DNAJC8: variants seen among roughly 807,000 people sequenced by gnomAD.
DNAJC8 encodes DnaJ heat shock protein family (Hsp40) member C8, also known as dnaJ homolog subfamily C member 8.
A neutral mutation model predicts 43.2 loss-of-function variants in DNAJC8; 24 were observed. The ratio of observed to expected loss-of-function variants is 0.56; its 90% CI spans 0.40 to 0.78. DNAJC8 has a LOEUF of 0.78. DNAJC8 is among the 30% of genes least tolerant of loss of function. The pLI is 0.00. For missense variants in DNAJC8, 207 were observed against 299.4 expected (o/e 0.69, Z 2.28); for synonymous variants, 83 against 98.0 (o/e 0.85, Z 0.90).
intron 3 of DNAJC8, 70 bp from the exon 4 acceptor site, chr1:28,210,707 G>A (rs949354545): frequency 8.0e-5 from 102 of 1,278,868 alleles, no homozygotes; most frequent in Admixed American, 1.8e-4. Flanking sequence ...GCCCTGTCTC[G>A]TTACAACCAA....
At chr1:28,201,878 G>A (rs1255529344) in intron 8 of DNAJC8, among the ~76,000 whole-genome samples, 1 of 150,780 alleles carries the variant, frequency 6.6e-6, no homozygotes, top group Admixed American at 6.6e-5. Flanking sequence ...ACCTGAGGTT[G>A]GGAGTTCGAG....
At chr1:28,211,412 C>G (rs942779065) in intron 3 of DNAJC8, among the ~76,000 whole-genome samples, 1 of 152,226 alleles carries the variant, frequency 6.6e-6, no homozygotes, top group Non-Finnish European at 1.5e-5. Context: ...ATTATGCATT[C>G]TGCAAATATT....
chr1:28,212,860 G>A (rs145941823), intron 3 of DNAJC8, among the ~76,000 whole-genome samples: 7 of 152,252 alleles, frequency 4.6e-5, no homozygotes, highest in African/African-American at 1.2e-4. Context: ...CTCTGCCTCC[G>A]CTTCCTGCTC....
At chr1:28,209,925 G>A (rs2149016538) in intron 5 of DNAJC8, 47 bp downstream of exon 5, 1 of 1,574,486 alleles carries the variant, frequency 6.4e-7, no homozygotes. Context: ...AGGTGCCCAA[G>A]GCTTGCTGAT....
At chr1:28,225,061 T>A (rs1472458824) in intron 2 of DNAJC8, among the ~76,000 whole-genome samples, 2 of 151,180 alleles carry the variant, frequency 1.3e-5, no homozygotes, top group African/African-American at 4.9e-5. Flanking sequence ...TTTGGGACAA[T>A]TAGTAAAACC....
rs376755697 is a variant in DNAJC8 at position 28,232,912 on chromosome 1, T to C, written c.78+9A>G. The C allele has an allele frequency of 1.9e-6, 3 of 1,612,570 alleles. No individual in the cohort carries two copies. Among genetic ancestry groups the C allele is most frequent in the Non-Finnish European group, 2.5e-6 (3 of 1,179,934 alleles). ...GCCCCGGTGCCACTACTCCTCACTC[T>C]GTGTTCACCTCACTGTAGAAGGTCA... On this transcript the variant is annotated intron_variant, in intron 1 of 8. Transcript: ENST00000263697.
At chr1:28,227,748 A>G (rs1006480029) in intron 2 of DNAJC8, among the ~76,000 whole-genome samples, 1 of 151,982 alleles carries the variant, frequency 6.6e-6, no homozygotes, top group African/African-American at 2.4e-5. Context: ...CCATCTCTTT[A>G]AAAAAGAAAA....
chr1:28,206,876 C>A (rs1646772274), intron 6 of DNAJC8, among the ~76,000 whole-genome samples: 2 of 152,148 alleles, frequency 1.3e-5, no homozygotes, highest in African/African-American at 4.8e-5. Flanking sequence ...CTAGACACTG[C>A]TCACTAAAAG....
chr1:28,231,479 G>A (rs1242923681), intron 1 of DNAJC8, among the ~76,000 whole-genome samples: 1 of 152,174 alleles, frequency 6.6e-6, no homozygotes, highest in Non-Finnish European at 1.5e-5. Context: ...AACTTTGGGA[G>A]GCCGAGGCGG....
chr1:28,213,326 A>G (rs1646827983), intron 3 of DNAJC8, among the ~76,000 whole-genome samples: 1 of 152,202 alleles, frequency 6.6e-6, no homozygotes, highest in Non-Finnish European at 1.5e-5. Flanking sequence ...ATGATTAGTA[A>G]TGCATATTAG....
intron 6 of DNAJC8, among the ~76,000 whole-genome samples, chr1:28,205,733 C>T (rs948882278): frequency 4.6e-5 from 7 of 152,096 alleles, no homozygotes; most frequent in Admixed American, 6.6e-5. Flanking sequence ...ATCAAAAATA[C>T]AAAAATTAGC....
intron 2 of DNAJC8, 75 bp downstream of exon 2, chr1:28,228,847 A>G: frequency 8.3e-7 from 1 of 1,198,236 alleles, no homozygotes; most frequent in Non-Finnish European, 1.2e-6. Context: ...TTAGGTATGT[A>G]TTCTGATGTA....
chr1:28,210,033 T>C lies in DNAJC8; in HGVS notation c.338A>G (p.Gln113Arg), dbSNP rs754351112. The change falls in exon 5 of 9, where the codon CAG becomes CGG. Residue 113 changes from glutamine to arginine, a missense_variant. Gln to Arg is a conservative substitution (Grantham distance 43, BLOSUM62 1). This residue lies in a region of DNAJC8 where 159 missense variants were observed against 267.5 expected (regional missense o/e 0.59). Transcript: ENST00000263697. ...VDKAYKLLLD[Q>R]EQKKRALDVI... is the part of the protein sequence containing the mutation. ...ATCCAGGGCCCTCTTCTTTTGCTCC[T>C]GATCCAGTAGCAACTTGTAAGCTTT... 2 of 1,614,056 alleles carry C rather than the reference T, an allele frequency of 1.2e-6. No individual in the cohort carries two copies. The highest frequency in any genetic ancestry group is 2.7e-5 in the African/African-American group (2 of 74,952).
At chr1:28,232,056 A>G (rs1297009100) in intron 1 of DNAJC8, among the ~76,000 whole-genome samples, 2 of 150,422 alleles carry the variant, frequency 1.3e-5, no homozygotes, top group Non-Finnish European at 3.0e-5. Context: ...CGCCCAACCA[A>G]GAATTTTTTT....
At chr1:28,210,742 A>G in intron 3 of DNAJC8, 105 bp from the exon 4 acceptor site, 1 of 726,924 alleles carries the variant, frequency 1.4e-6, no homozygotes. Context: ...TACGGCAAAA[A>G]GAGACTCTTA....
intron 2 of DNAJC8, among the ~76,000 whole-genome samples, chr1:28,224,641 T>C (rs1034384662): frequency 6.6e-6 from 1 of 151,766 alleles, no homozygotes; most frequent in East Asian, 2.0e-4. Flanking sequence ...CCAGCACTTT[T>C]TGGGAGGCTG....
At chr1:28,226,922 A>G (rs551550776) in intron 2 of DNAJC8, among the ~76,000 whole-genome samples, 1 of 151,134 alleles carries the variant, frequency 6.6e-6, no homozygotes, top group African/African-American at 2.4e-5. Context: ...ACTATATATC[A>G]TCTTCATATA....
At chr1:28,222,740 T>C (rs1168870171) in intron 2 of DNAJC8, among the ~76,000 whole-genome samples, 3 of 151,840 alleles carry the variant, frequency 2.0e-5, no homozygotes, top group Middle Eastern at 3.4e-3. Flanking sequence ...ACACAGAAAG[T>C]AGTGGCTAGT....
chr1:28,232,095 G>A (rs114610236), intron 1 of DNAJC8, among the ~76,000 whole-genome samples: 2,059 of 151,092 alleles, frequency 0.014, 16 homozygotes, highest in Non-Finnish European at 0.023. Flanking sequence ...TCTTTTTAAA[G>A]AGACAGGGTC....
Sources: gnomAD v4.1 joint callset for allele counts (sites outside exome capture counted in the v4.1 genomes callset) on GRCh38, gnomAD v4.1.1 for gene constraint, gnomAD v4.1.1 regional missense constraint, MANE v1.5 for transcripts, NCBI Gene and HGNC (gene_info 2026-07-23, HGNC 2026-07-21) for gene names.